Variants in GPC3 observed in about 807,000 individuals in gnomAD.
GPC3 encodes glypican 3.
GPC3 carries 3 observed loss-of-function variants against 34.4 expected under a neutral mutation model. That is an observed-to-expected ratio of 0.09 (90% CI 0.04 to 0.23). The LOEUF (loss-of-function observed/expected upper bound fraction) is 0.23. GPC3 is among the 10% of genes least tolerant of loss of function. The probability of loss-of-function intolerance (pLI) is 1.00; values close to 1 mark genes in which losing one functional copy is unlikely to be tolerated. For synonymous variants in GPC3, 177 were observed against 174.0 expected (o/e 1.02, Z -0.13); for missense variants, 351 against 445.6 (o/e 0.79, Z 1.91).
Position 133,720,428 on chromosome X carries a change from C to T in GPC3, c.1033-20400G>A, listed in dbSNP as rs185743617. Among the ~76,000 whole-genome samples, 33 of 111,338 alleles carry T rather than the reference C, an allele frequency of 3.0e-4. No individual in the cohort carries two copies. In the East Asian group the frequency reaches 6.6e-3, roughly 22 times the overall value. ...GATAGTGAATAAGTCTCATGAGATC[C>T]GATGGTTTTATAAAGAGGAGTTCCT... is the stretch of plus-strand genomic sequence containing the variant. On this transcript the variant is annotated intron_variant, in intron 3 of 7. Coordinates refer to ENST00000370818, the MANE Select transcript of GPC3 (RefSeq NM_004484.4).
chrX:133,792,408 G>A (rs2072174854), intron 2 of GPC3, among the ~76,000 whole-genome samples: 1 of 111,708 alleles, frequency 9.0e-6, no homozygotes, highest in Admixed American at 9.5e-5. Context: ...AATGAGACAA[G>A]GAAGGTGGTG....
At chrX:133,976,967 G>A (rs150016417) in intron 1 of GPC3, among the ~76,000 whole-genome samples, 1,233 of 81,213 alleles carry the variant, frequency 0.015, 11 homozygotes, top group Middle Eastern at 0.043. Flanking sequence ...ATAAATAAAT[G>A]AGGGGCAACA....
chrX:133,890,741 T>A (rs754839315), intron 2 of GPC3, among the ~76,000 whole-genome samples: 21 of 107,475 alleles, frequency 2.0e-4, no homozygotes, highest in Non-Finnish European at 3.8e-4. Context: ...ACACCTATAG[T>A]CCTAGCTACT....
intron 2 of GPC3, among the ~76,000 whole-genome samples, chrX:133,881,248 A>G (rs2076040194): frequency 9.0e-6 from 1 of 111,564 alleles, no homozygotes; most frequent in Non-Finnish European, 1.9e-5. Flanking sequence ...TGTCGCTGAC[A>G]CTCATCTAGA....
At chrX:133,612,350 C>G (rs181770677) in intron 6 of GPC3, among the ~76,000 whole-genome samples, 226 of 112,410 alleles carry the variant, frequency 2.0e-3, no homozygotes, top group African/African-American at 6.8e-3. Context: ...CACACTCATT[C>G]ACTGTATTGC....
intron 2 of GPC3, among the ~76,000 whole-genome samples, chrX:133,884,606 T>G (rs1569449984): frequency 8.9e-6 from 1 of 111,862 alleles, no homozygotes; most frequent in Non-Finnish European, 1.9e-5. Flanking sequence ...ATTAAGTAAC[T>G]TGCCCCAAAT....
At chrX:133,967,381 C>A (rs1287540020) in intron 1 of GPC3, among the ~76,000 whole-genome samples, 2 of 111,458 alleles carry the variant, frequency 1.8e-5, no homozygotes, top group Non-Finnish European at 1.9e-5. Flanking sequence ...AGAGTAACTT[C>A]ATTCTCCCAT....
chrX:133,977,931 A>C (rs1229101291), intron 1 of GPC3, among the ~76,000 whole-genome samples: 3 of 110,476 alleles, frequency 2.7e-5, no homozygotes, highest in Non-Finnish European at 3.8e-5. Flanking sequence ...TCCTTTTTTA[A>C]ATTTTATTTA....
At chrX:133,814,725 G>A (rs909388230) in intron 2 of GPC3, among the ~76,000 whole-genome samples, 24 of 110,082 alleles carry the variant, frequency 2.2e-4, no homozygotes, top group Non-Finnish European at 3.2e-4. Context: ...ACACCACCAC[G>A]CCCAGCTAAT....
intron 2 of GPC3, among the ~76,000 whole-genome samples, chrX:133,901,819 A>C (rs769671522): frequency 8.9e-6 from 1 of 112,164 alleles, no homozygotes; most frequent in South Asian, 3.7e-4. Flanking sequence ...AAGAGGTTTG[A>C]GGTATGTGTT....
intron 1 of GPC3, among the ~76,000 whole-genome samples, chrX:133,960,871 T>C (rs2076438586): frequency 9.0e-6 from 1 of 111,553 alleles, no homozygotes; most frequent in South Asian, 3.8e-4. Flanking sequence ...GTTGCTCTAC[T>C]AATGAACCAA....
chrX:133,636,009 C>T (rs1297656556), intron 6 of GPC3, among the ~76,000 whole-genome samples: 9 of 111,119 alleles, frequency 8.1e-5, no homozygotes, highest in Non-Finnish European at 1.1e-4. Context: ...CTGTTGAGCC[C>T]TGGAATACCT....
chrX:133,725,315 C>G (rs138963196), intron 3 of GPC3, among the ~76,000 whole-genome samples: 5 of 111,410 alleles, frequency 4.5e-5, no homozygotes, highest in African/African-American at 6.5e-5. Context: ...CTTGAGCCCA[C>G]GAGTTCGAGA....
chrX:133,552,096 C>G (rs1387245759), intron 7 of GPC3, among the ~76,000 whole-genome samples: 1 of 112,282 alleles, frequency 8.9e-6, no homozygotes, highest in Non-Finnish European at 1.9e-5. Context: ...ATAGGCTGGC[C>G]CTAGGCAGTG....
chrX:133,546,744 C>T (rs963172312), intron 7 of GPC3, among the ~76,000 whole-genome samples: 1 of 112,010 alleles, frequency 8.9e-6, no homozygotes, highest in African/African-American at 3.2e-5. Context: ...TAAACAACCA[C>T]TATGGAGAAC....
At chrX:133,964,988 T>A (rs1433451257) in intron 1 of GPC3, among the ~76,000 whole-genome samples, 2 of 111,704 alleles carry the variant, frequency 1.8e-5, no homozygotes, top group Non-Finnish European at 3.8e-5. Context: ...ATTTAAAAAA[T>A]GAGTTAACAG....
chrX:133,796,184 A>G (rs1265693954), intron 2 of GPC3, among the ~76,000 whole-genome samples: 1 of 110,919 alleles, frequency 9.0e-6, no homozygotes, highest in African/African-American at 3.3e-5. Context: ...TCACCTCGTG[A>G]TCTGCCCGCC....
At chrX:133,632,604 A>C (rs2070378607) in intron 6 of GPC3, among the ~76,000 whole-genome samples, 2 of 112,315 alleles carry the variant, frequency 1.8e-5, no homozygotes, top group South Asian at 7.4e-4. Context: ...ACACTATGCT[A>C]GTTGCTTTGG....
chrX:133,737,977 C>T lies in GPC3; in HGVS notation c.1032+15505G>A, dbSNP rs190551914. Among the ~76,000 whole-genome samples the T allele has an allele frequency of 2.2e-3, 245 of 111,335 alleles. 1 individual carries two copies. The highest frequency in any genetic ancestry group is 4.6e-3 in the Middle Eastern group (1 of 217). On this transcript the variant is annotated intron_variant, in intron 3 of 7. Coordinates refer to ENST00000370818, the MANE Select transcript of GPC3 (RefSeq NM_004484.4). ...AAAATGATCTGATTCACTTTTTGTT[C>T]TTTTCAGACAGGGTCTCACTCTGTT...
Sources: allele counts gnomAD v4.1 joint callset (sites outside exome capture counted in the v4.1 genomes callset), GRCh38; gene constraint gnomAD v4.1.1; transcripts MANE v1.5; gene names NCBI Gene and HGNC (gene_info 2026-07-23, HGNC 2026-07-21).